Variants in ESF1 observed in about 807,000 individuals in gnomAD.
ESF1 encodes ESF1 homolog.
A neutral mutation model predicts 92.0 loss-of-function variants in ESF1; 58 were observed. The ratio of observed to expected loss-of-function variants is 0.63; its 90% CI spans 0.51 to 0.78. ESF1 has a LOEUF of 0.78. ESF1 is among the 30% of genes least tolerant of loss of function. ESF1 has a pLI of 0.00. For synonymous variants in ESF1, 321 were observed against 313.7 expected (o/e 1.02, Z -0.24); for missense variants, 922 against 989.1 (o/e 0.93, Z 0.91).
chr20:13,714,924 TTA>T lies in ESF1; in HGVS notation c.2504_2505del (p.Ile835LysfsTer26). 1 of 1,613,240 alleles carries T rather than the reference TTA, an allele frequency of 6.2e-7. No individual in the cohort carries two copies. The highest frequency in any genetic ancestry group is 1.1e-5 in the South Asian group (1 of 90,836). On this transcript the variant is annotated frameshift_variant, in exon 14 of 14. Transcript: ENST00000617257. LOFTEE classifies it high-confidence loss of function. ...DPALSMLIKS[I>X]KTKTEQFQAR... ...GCTTGAAACTGCTCTGTTTTGGTTT[TTA>T]TAGATTTAATCAACATTGACAAAGC... is the stretch of plus-strand genomic sequence containing the variant.
chr20:13,780,307 G>C (rs1004430861), intron 2 of ESF1, among the ~76,000 whole-genome samples: 10 of 152,156 alleles, frequency 6.6e-5, no homozygotes, highest in Non-Finnish European at 1.2e-4. Flanking sequence ...TCAATCTAAA[G>C]GATTATATAG....
intron 11 of ESF1, among the ~76,000 whole-genome samples, chr20:13,724,111 A>G (rs1422678276): frequency 1.3e-5 from 2 of 152,150 alleles, no homozygotes; most frequent in African/African-American, 2.4e-5. Context: ...CCTGGCCAAC[A>G]TGGTGAAACC....
intron 10 of ESF1, among the ~76,000 whole-genome samples, chr20:13,730,700 A>C (rs1298905225): frequency 1.3e-5 from 2 of 149,712 alleles, no homozygotes. Flanking sequence ...AGCGCTTCTA[A>C]GAATTTTTTT....
intron 2 of ESF1, among the ~76,000 whole-genome samples, chr20:13,780,880 C>T (rs1980153189): frequency 6.6e-6 from 1 of 152,208 alleles, no homozygotes; most frequent in Non-Finnish European, 1.5e-5. Context: ...TCCAAACAAT[C>T]ATTTCTCGCT....
intron 9 of ESF1, among the ~76,000 whole-genome samples, chr20:13,747,170 C>G (rs2050055146): frequency 6.6e-6 from 1 of 151,838 alleles, no homozygotes. Context: ...ACTCTTTCAA[C>G]TTTTGTATTT....
At chr20:13,749,568 A>G (rs1232354050) in intron 9 of ESF1, among the ~76,000 whole-genome samples, 1 of 151,432 alleles carries the variant, frequency 6.6e-6, no homozygotes, top group Non-Finnish European at 1.5e-5. Context: ...TGTCTTTTTT[A>G]TTTTTTAATT....
chr20:13,764,390 G>A (rs1183035831), intron 8 of ESF1, among the ~76,000 whole-genome samples: 2 of 152,132 alleles, frequency 1.3e-5, no homozygotes, highest in African/African-American at 4.8e-5. Context: ...GGGAAAAAGG[G>A]TTTTGGGGCT....
chr20:13,759,362 C>T (rs988797914), intron 9 of ESF1, among the ~76,000 whole-genome samples: 21 of 152,164 alleles, frequency 1.4e-4, no homozygotes, highest in African/African-American at 4.8e-4. Context: ...AAGAAAAGGT[C>T]ACTTAAGAAT....
chr20:13,719,125 T>C, intron 11 of ESF1, 141 bp from the exon 12 acceptor site: 1 of 525,744 alleles, frequency 1.9e-6, no homozygotes, highest in Non-Finnish European at 3.2e-6. Context: ...AAAAACACGT[T>C]ACTGAAAGAA....
intron 2 of ESF1, among the ~76,000 whole-genome samples, chr20:13,780,353 G>T (rs1411454260): frequency 6.6e-6 from 1 of 152,228 alleles, no homozygotes; most frequent in African/African-American, 2.4e-5. Context: ...AAATGAAGTG[G>T]ATGCTAGACT....
intron 10 of ESF1, among the ~76,000 whole-genome samples, chr20:13,730,220 C>A (rs1165974122): frequency 2.6e-5 from 4 of 151,702 alleles, no homozygotes; most frequent in African/African-American, 7.3e-5. Context: ...TTACAGGCGC[C>A]TGCCACCACA....
intron 6 of ESF1, 108 bp from the exon 7 acceptor site, chr20:13,770,129 GAC>G (rs1979618570): frequency 1.6e-6 from 1 of 626,246 alleles, no homozygotes; most frequent in African/African-American, 1.9e-5. Context: ...CTTTCTAAAA[GAC>G]ACACGTTTAA....
At chr20:13,770,847 A>G (rs1979651271) in intron 6 of ESF1, among the ~76,000 whole-genome samples, 1 of 152,228 alleles carries the variant, frequency 6.6e-6, no homozygotes, top group Admixed American at 6.5e-5. Context: ...GCAATGTTCT[A>G]TATCTGCTCT....
intron 7 of ESF1, among the ~76,000 whole-genome samples, chr20:13,767,443 C>T (rs1979483037): frequency 6.6e-6 from 1 of 151,594 alleles, no homozygotes; most frequent in South Asian, 2.1e-4. Context: ...ATCAGGAGGC[C>T]TGTAATCCCA....
chr20:13,747,728 G>A (rs1457022402), intron 9 of ESF1, among the ~76,000 whole-genome samples: 1 of 151,352 alleles, frequency 6.6e-6, no homozygotes, highest in Non-Finnish European at 1.5e-5. Flanking sequence ...GCATTTTATT[G>A]TTGTGCAAAC....
At chr20:13,745,904 A>G (rs1021351559) in intron 9 of ESF1, among the ~76,000 whole-genome samples, 2 of 146,090 alleles carry the variant, frequency 1.4e-5, no homozygotes, top group Middle Eastern at 3.4e-3. Context: ...ACTAATACAT[A>G]ACTGGGAAGT....
intron 10 of ESF1, among the ~76,000 whole-genome samples, chr20:13,730,510 A>G (rs564140684): frequency 1.3e-4 from 20 of 151,680 alleles, no homozygotes; most frequent in African/African-American, 4.6e-4. Context: ...CAGCCTCCCA[A>G]GTAGCTGGGA....
intron 9 of ESF1, among the ~76,000 whole-genome samples, chr20:13,739,071 A>C (rs1422376221): frequency 6.6e-6 from 1 of 152,220 alleles, no homozygotes; most frequent in Non-Finnish European, 1.5e-5. Context: ...ATGAGGGTAC[A>C]GGAAGCTGCT....
At chr20:13,775,829 G>A (rs1338075815) in intron 3 of ESF1, 44 bp downstream of exon 3, 1 of 1,548,846 alleles carries the variant, frequency 6.5e-7, no homozygotes, top group South Asian at 1.3e-5. Flanking sequence ...AAAGCTGCTT[G>A]TACTGTGTTT....
Sources: gnomAD v4.1 joint callset for allele counts (sites outside exome capture counted in the v4.1 genomes callset) on GRCh38, gnomAD v4.1.1 for gene constraint, MANE v1.5 for transcripts, NCBI Gene and HGNC (gene_info 2026-07-23, HGNC 2026-07-21) for gene names.